The following TFAP2D variants were observed in gnomAD, a reference collection of about 807,000 sequenced individuals.
The protein encoded by TFAP2D is transcription factor AP-2-delta.
A neutral mutation model predicts 43.6 loss-of-function variants in TFAP2D; 9 were observed. The ratio of observed to expected loss-of-function variants is 0.21; its 90% confidence interval spans 0.12 to 0.36. The LOEUF (loss-of-function observed/expected upper bound fraction) is 0.36. TFAP2D is among the 10% of genes least tolerant of loss of function. The probability of loss-of-function intolerance (pLI) is 1.00; values close to 1 mark genes in which losing one functional copy is unlikely to be tolerated. For missense variants in TFAP2D, 513 were observed against 561.4 expected, an observed-to-expected ratio of 0.91 and a Z score of 0.87; for synonymous variants, 256 against 224.9, an observed-to-expected ratio of 1.14 and a Z score of -1.24.
At chr6:50,766,639 C>G (rs1769445358) in intron 7 of TFAP2D, among the ~76,000 whole-genome samples, 1 of 142,812 alleles carries the variant, frequency 7.0e-6, no homozygotes, top group African/African-American at 2.6e-5. Flanking sequence ...CCTTTTGATA[C>G]CATGAGATTG....
chr6:50,755,120 G>C (rs1249204452), intron 7 of TFAP2D, among the ~76,000 whole-genome samples: 2 of 151,776 alleles, frequency 1.3e-5, no homozygotes, highest in African/African-American at 4.8e-5. Context: ...TTCATTTTGA[G>C]TTAATTTTTG....
At chr6:50,764,690 T>A (rs762605750) in intron 7 of TFAP2D, among the ~76,000 whole-genome samples, 2 of 152,226 alleles carry the variant, frequency 1.3e-5, no homozygotes, top group Non-Finnish European at 2.9e-5. Flanking sequence ...TGGAGGTGAC[T>A]AATACCTAAC....
At chr6:50,768,853 A>G (rs1190575909) in intron 7 of TFAP2D, among the ~76,000 whole-genome samples, 1 of 150,544 alleles carries the variant, frequency 6.6e-6, no homozygotes, top group Non-Finnish European at 1.5e-5. Context: ...ACTTTTTTTT[A>G]TATTGAATAT....
At chr6:50,761,709 A>G (rs1354991155) in intron 7 of TFAP2D, among the ~76,000 whole-genome samples, 1 of 152,116 alleles carries the variant, frequency 6.6e-6, no homozygotes, top group African/African-American at 2.4e-5. Context: ...TTTTTGAAGG[A>G]CAATTAGAAT....
At chr6:50,723,558 A>C (rs1393965557) in intron 3 of TFAP2D, among the ~76,000 whole-genome samples, 1 of 152,190 alleles carries the variant, frequency 6.6e-6, no homozygotes, top group Non-Finnish European at 1.5e-5. Context: ...AGAGCCAGAG[A>C]TACACCTCAA....
intron 7 of TFAP2D, among the ~76,000 whole-genome samples, chr6:50,753,497 G>C (rs963107694): frequency 6.6e-6 from 1 of 151,844 alleles, no homozygotes; most frequent in Non-Finnish European, 1.5e-5. Flanking sequence ...CATTTTCTTT[G>C]TGGGCTTTAT....
intron 5 of TFAP2D, among the ~76,000 whole-genome samples, chr6:50,729,606 C>A (rs79562435): frequency 0.059 from 8,996 of 152,194 alleles, 339 homozygotes; most frequent in Middle Eastern, 0.13. Context: ...AAATTGGCAG[C>A]GCTCTTGTCA....
chr6:50,746,959 G>A (rs1041382103), intron 6 of TFAP2D, among the ~76,000 whole-genome samples: 1 of 152,152 alleles, frequency 6.6e-6, no homozygotes, highest in Admixed American at 6.6e-5. Context: ...AGATTAAGAG[G>A]AAGGGAATAG....
At chr6:50,759,027 A>C (rs1235048037) in intron 7 of TFAP2D, among the ~76,000 whole-genome samples, 1 of 152,020 alleles carries the variant, frequency 6.6e-6, no homozygotes, top group Non-Finnish European at 1.5e-5. Context: ...ATGGATTTTT[A>C]GATTTAGCAC....
At chr6:50,757,278 T>C (rs1329853641) in intron 7 of TFAP2D, among the ~76,000 whole-genome samples, 1 of 144,652 alleles carries the variant, frequency 6.9e-6, no homozygotes, top group East Asian at 2.0e-4. Flanking sequence ...ACAGAATATG[T>C]ATATCTCTCT....
At chr6:50,719,494 AAAGAAAG>A (rs371699119) in intron 3 of TFAP2D, among the ~76,000 whole-genome samples, 2,973 of 137,304 alleles carry the variant, frequency 0.022, 39 homozygotes, top group Non-Finnish European at 0.028. Context: ...AGAAAGAAAG[AAAGAAAG>A]AAGTTTCTCA....
In TFAP2D at chr6:50,728,987, C is replaced by A. The variant is rs763127755; in HGVS notation, c.730C>A (p.Leu244Ile). The A allele has an allele frequency of 4.3e-6, 7 of 1,613,978 alleles. No individual in the cohort carries two copies. The change falls in exon 4 of 8, where the codon CTC (leucine) becomes ATC (isoleucine). Residue 244 changes from leucine to isoleucine, a missense_variant. Coordinates refer to ENST00000008391, the MANE Select transcript of TFAP2D (RefSeq NM_172238.4). ...GAGGCGCCTCTCCCCACCTGAGTGC[C>A]TCAATGCTTCACTCTTGGGAGGCAT... Reference protein sequence around the residue: ...VKRRLSPPECLNASLLGGILR... With the variant: ...VKRRLSPPECINASLLGGILR...
intron 6 of TFAP2D, among the ~76,000 whole-genome samples, chr6:50,748,015 G>C (rs953796338): frequency 6.6e-6 from 1 of 151,960 alleles, no homozygotes; most frequent in African/African-American, 2.4e-5. Flanking sequence ...TTACAGAAGA[G>C]TAAATAGGAA....
intron 7 of TFAP2D, among the ~76,000 whole-genome samples, chr6:50,765,373 A>G (rs1053439453): frequency 6.6e-6 from 1 of 152,210 alleles, no homozygotes. Context: ...TCCTTTAGAT[A>G]TATAACCAGA....
chr6:50,715,661 T>A (rs528619660), intron 2 of TFAP2D, 48 bp downstream of exon 2: 58 of 1,526,198 alleles, frequency 3.8e-5, no homozygotes, highest in Middle Eastern at 1.8e-4. Context: ...CTCTTCGCCC[T>A]CCCCCTGCCG....
intron 7 of TFAP2D, among the ~76,000 whole-genome samples, chr6:50,772,133 A>G (rs1769537273): frequency 6.6e-6 from 1 of 152,106 alleles, no homozygotes; most frequent in Non-Finnish European, 1.5e-5. Context: ...TGAGCAAACT[A>G]TCGCAAGGAC....
intron 7 of TFAP2D, among the ~76,000 whole-genome samples, chr6:50,771,829 T>C (rs1371252094): frequency 6.6e-6 from 1 of 152,150 alleles, no homozygotes; most frequent in Non-Finnish European, 1.5e-5. Context: ...TGGAAGTCAG[T>C]GTGGCGATTC....
At chr6:50,724,736 A>T (rs1032751243) in intron 3 of TFAP2D, among the ~76,000 whole-genome samples, 4 of 151,728 alleles carry the variant, frequency 2.6e-5, no homozygotes, top group Non-Finnish European at 5.9e-5. Flanking sequence ...TGTCTTTCCC[A>T]TCCAGTTGCA....
At chr6:50,721,944 G>A (rs1768733252) in intron 3 of TFAP2D, among the ~76,000 whole-genome samples, 1 of 152,192 alleles carries the variant, frequency 6.6e-6, no homozygotes, top group Non-Finnish European at 1.5e-5. Context: ...GTTAATCAGG[G>A]ACATTGTCCT....
Sources: gnomAD v4.1 joint callset for allele counts (sites outside exome capture counted in the v4.1 genomes callset) on GRCh38, gnomAD v4.1.1 for gene constraint, MANE v1.5 for transcripts, NCBI Gene and HGNC (gene_info 2026-07-23, HGNC 2026-07-21) for gene names.